The following ABCA13 variants were observed in gnomAD, a reference collection of about 807,000 sequenced individuals.
ABCA13 encodes ATP-binding cassette sub-family A member 13.
ABCA13 carries 476 observed loss-of-function variants against 478.7 expected under a neutral mutation model. The ratio of observed to expected loss-of-function variants is 0.99; its 90% CI spans 0.92 to 1.07. ABCA13 has a LOEUF of 1.07. ABCA13 is among the 50% of genes least tolerant of loss of function. The pLI, the probability that ABCA13 is intolerant of heterozygous loss-of-function variation, is 0.00. For synonymous variants in ABCA13, 2,252 were observed against 2,158.9 expected, an observed-to-expected ratio of 1.04 and a Z score of -1.20; for missense variants, 6,060 against 5,910.6, an observed-to-expected ratio of 1.03 and a Z score of -0.83.
chr7:48,278,658 A>T lies in ABCA13; in HGVS notation c.7464A>T (p.Glu2488Asp). 1 of 1,613,644 alleles carries T rather than the reference A, an allele frequency of 6.2e-7. No homozygotes were observed. Among genetic ancestry groups the T allele is most frequent in the Non-Finnish European group, 8.5e-7 (1 of 1,179,532 alleles). The change falls in exon 18 of 62, where the codon GAA becomes GAT. Residue 2488 changes from glutamate (E) to aspartate (D), a missense_variant. By Grantham distance (45) the Glu-to-Asp change is conservative. This residue lies in a region of ABCA13 where 4,423 missense variants were observed against 4,309.1 expected (regional missense o/e 1.03). Coordinates refer to ENST00000435803, the MANE Select transcript of ABCA13 (RefSeq NM_152701.5). ...LVGAISRASE[E>D]SHVLKPLLEM... The stretch of plus-strand genomic sequence containing the variant: ...GTGCTATTTCAAGAGCAAGTGAAGA[A>T]AGTCACGTCCTGAAACCCCTCTTAG...
At chr7:48,517,444 CA>C (rs1355529363) in intron 52 of ABCA13, among the ~76,000 whole-genome samples, 1 of 152,124 alleles carries the variant, frequency 6.6e-6, no homozygotes, top group Non-Finnish European at 1.5e-5. Flanking sequence ...GGCCCGTGGT[CA>C]GGAAGAACTT....
chr7:48,613,526 A>T (rs1344144275), intron 58 of ABCA13, among the ~76,000 whole-genome samples: 1 of 142,488 alleles, frequency 7.0e-6, no homozygotes, highest in Non-Finnish European at 1.6e-5. Flanking sequence ...GTTAAGACAC[A>T]ACGACTACAA....
intron 42 of ABCA13, 78 bp downstream of exon 42, chr7:48,427,949 A>T: frequency 2.0e-6 from 2 of 1,007,282 alleles, no homozygotes; most frequent in Non-Finnish European, 2.9e-6. Context: ...TTGTTTTAAA[A>T]GTTGTATAGC....
At position 48,219,455 on chromosome 7, in the gene ABCA13, A is replaced by G; in HGVS notation, c.389A>G (p.Asp130Gly). ...DLAEEIHGMM[D>G]KAKNLKRLWV... is the part of the protein sequence containing the mutation. ...GCAGAGGAAATTCATGGAATGATGG[A>G]CAAGGCAAAAAACTTAAAAAGACTT... The change falls in exon 4 of 62, where the codon GAC (aspartate) becomes GGC (glycine). Residue 130 changes from aspartate to glycine, a missense_variant. By Grantham distance (94) the Asp-to-Gly change is moderately conservative. Coordinates refer to ENST00000435803, the MANE Select transcript of ABCA13 (RefSeq NM_152701.5). 1 of 1,613,514 alleles carries G rather than the reference A, an allele frequency of 6.2e-7. No homozygotes were observed. Among genetic ancestry groups the G allele is most frequent in the Admixed American group, 1.7e-5 (1 of 59,926 alleles).
intron 13 of ABCA13, among the ~76,000 whole-genome samples, chr7:48,246,483 T>C (rs993769960): frequency 2.0e-5 from 3 of 152,232 alleles, no homozygotes; most frequent in African/African-American, 7.2e-5. Context: ...GACTGCAGAA[T>C]GTTGAACGAT....
chr7:48,234,038 A>G lies in ABCA13; in HGVS notation c.784A>G (p.Met262Val), dbSNP rs1789569496. 6.2e-7 allele frequency: 1 copy of G among 1,613,920 alleles called. No homozygotes were observed. Among genetic ancestry groups the G allele is most frequent in the South Asian group, 1.1e-5 (1 of 91,090 alleles). Reference sequence around the variant, plus strand: ...AACAGAGCCAGTTTACCACCTGTCCATGCAGAATATAGTGTGGGATCCACA... The same window carrying G: ...AACAGAGCCAGTTTACCACCTGTCCGTGCAGAATATAGTGTGGGATCCACA... The part of the protein sequence containing the change: ...AVTEPVYHLS[M>V]QNIVWDPQKV... The change falls in exon 8 of 62, where the codon ATG becomes GTG. Residue 262 changes from methionine (M) to valine (V), a missense_variant. This residue lies in a region of ABCA13 where 4,423 missense variants were observed against 4,309.1 expected (regional missense o/e 1.03). Transcript: ENST00000435803.
At chr7:48,502,161 A>G (rs566953027) in intron 48 of ABCA13, among the ~76,000 whole-genome samples, 1 of 152,350 alleles carries the variant, frequency 6.6e-6, no homozygotes, top group East Asian at 1.9e-4. Context: ...GAAAACTTCC[A>G]GGAGAGGGTC....
At chr7:48,376,218 T>C (rs893071046) in intron 34 of ABCA13, among the ~76,000 whole-genome samples, 1 of 152,196 alleles carries the variant, frequency 6.6e-6, no homozygotes, top group Non-Finnish European at 1.5e-5. Context: ...GTATTAGATA[T>C]TAAAAAGTAG....
chr7:48,418,061 C>T (rs1347492732), intron 41 of ABCA13, among the ~76,000 whole-genome samples: 1 of 152,118 alleles, frequency 6.6e-6, no homozygotes, highest in Admixed American at 6.5e-5. Flanking sequence ...CTGAATGTAC[C>T]ATAGTCTATT....
intron 35 of ABCA13, among the ~76,000 whole-genome samples, chr7:48,382,394 T>G (rs1333349559): frequency 6.6e-6 from 1 of 152,188 alleles, no homozygotes; most frequent in Non-Finnish European, 1.5e-5. Context: ...CCGAACCTGC[T>G]CTGCTGCAGA....
chr7:48,333,904 G>A (rs1306360217), intron 27 of ABCA13, among the ~76,000 whole-genome samples: 1 of 152,182 alleles, frequency 6.6e-6, no homozygotes, highest in African/African-American at 2.4e-5. Context: ...TCTCCTGGGT[G>A]CTTGTTGTGG....
rs377436663 is a variant in ABCA13, at chr7:48,275,310, A to T, written c.5644A>T (p.Ile1882Leu). Residue 1882 changes from isoleucine to leucine, a missense_variant, in exon 17 of 62, where the codon ATA (isoleucine) becomes TTA (leucine). Around this residue, in one of 3 missense-constraint regions of ABCA13, gnomAD observed 4,423 missense variants for 4,309.1 expected, o/e 1.03. Transcript: ENST00000435803. Reference protein sequence around the residue: ...PCSNESSRMEITRKVVCIIHE... With the variant: ...PCSNESSRMELTRKVVCIIHE... ...TTCAAATGAAAGCTCCCGAATGGAA[A>T]TAACTAGGAAAGTGGTCTGCATAAT... 3 of 1,613,946 alleles carry T rather than the reference A, an allele frequency of 1.9e-6. No individual in the cohort carries two copies. The highest frequency in any genetic ancestry group is 2.5e-6 in the Non-Finnish European group (3 of 1,179,872).
rs776907716 is a variant in ABCA13 at position 48,245,620 on chromosome 7, A to G, written c.1491+8A>G. ...TTTTGGGAGCTGAAACAGGTAAAGCACAACAAATAATTATAAATAAGCATT... is the reference window on the plus strand; with the variant it reads ...TTTTGGGAGCTGAAACAGGTAAAGCGCAACAAATAATTATAAATAAGCATT... On this transcript the variant is annotated splice_region_variant and intron_variant, in intron 12 of 61. Coordinates refer to ENST00000435803, the MANE Select transcript of ABCA13 (RefSeq NM_152701.5). 3.1e-6 allele frequency: 5 copies of G among 1,596,762 alleles called. No individual in the cohort carries two copies. Among genetic ancestry groups the G allele is most frequent in the Non-Finnish European group, 4.3e-6 (5 of 1,173,516 alleles).
At position 48,262,128 on chromosome 7, in the gene ABCA13, T is replaced by C. The variant is rs554396771; in HGVS notation, c.2006-6852T>C. Among the ~76,000 whole-genome samples the C allele has an allele frequency of 2.0e-5, 3 of 152,062 alleles. No individual in the cohort carries two copies. The East Asian group carries it at 5.8e-4, about 29-fold the overall frequency. On this transcript the variant is annotated intron_variant, in intron 15 of 61. Transcript: ENST00000435803. ...AACAAAAAATGAGGTGATGAAAATA[T>C]CATTGTTCAAAAATAACAGGTTAAA...
chr7:48,380,322 T>C (rs1432190968), intron 35 of ABCA13, among the ~76,000 whole-genome samples: 1 of 152,198 alleles, frequency 6.6e-6, no homozygotes, highest in Admixed American at 6.5e-5. Context: ...TGTCATGTGT[T>C]TGTATATAAT....
rs910868438 is a variant in ABCA13 at position 48,471,014 on chromosome 7, T to C, written c.12906-516T>C. Among the ~76,000 whole-genome samples, 12 of 152,348 alleles carry C rather than the reference T, an allele frequency of 7.9e-5. No homozygotes were observed. In the East Asian group the frequency reaches 1.5e-3, roughly 20 times the overall value. On this transcript the variant is annotated intron_variant, in intron 44 of 61. Coordinates refer to ENST00000435803, the MANE Select transcript of ABCA13 (RefSeq NM_152701.5). The stretch of plus-strand genomic sequence containing the variant: ...TGATAGGGAAACTGTGGAATACAAA[T>C]GTGTTTTTGAACCACTGCTACAAAT...
chr7:48,371,847 G>A (rs1210437932), intron 32 of ABCA13, among the ~76,000 whole-genome samples: 1 of 152,194 alleles, frequency 6.6e-6, no homozygotes, highest in Non-Finnish European at 1.5e-5. Flanking sequence ...TGGTGAGAGA[G>A]GGCATCCTTG....
chr7:48,620,591 C>T (rs555643876), intron 59 of ABCA13, among the ~76,000 whole-genome samples: 4 of 152,282 alleles, frequency 2.6e-5, no homozygotes, highest in East Asian at 3.9e-4. Flanking sequence ...GCAAATTGTC[C>T]TGGGTGAGAA....
chr7:48,478,088 T>C (rs1828335126), intron 45 of ABCA13, among the ~76,000 whole-genome samples: 1 of 151,490 alleles, frequency 6.6e-6, no homozygotes, highest in Non-Finnish European at 1.5e-5. Context: ...GAGGTTGTTA[T>C]GTTCATCAAG....
Sources: gnomAD v4.1 joint callset for allele counts (sites outside exome capture counted in the v4.1 genomes callset) on GRCh38, gnomAD v4.1.1 for gene constraint, gnomAD v4.1.1 regional missense constraint, MANE v1.5 for transcripts, NCBI Gene and HGNC (gene_info 2026-07-23, HGNC 2026-07-21) for gene names.